The following PRKN variants were observed in gnomAD, a reference collection of about 807,000 sequenced individuals.
PRKN encodes the protein parkin RBR E3 ubiquitin protein ligase.
In PRKN, 56 loss-of-function variants were observed where a neutral mutation model predicts 59.5. The ratio of observed to expected loss-of-function variants is 0.94; its 90% confidence interval spans 0.76 to 1.18. PRKN has a LOEUF of 1.18. PRKN is among the 50% of genes most tolerant of loss of function. The pLI is 0.00. For missense variants in PRKN, 657 were observed against 596.4 expected, an observed-to-expected ratio of 1.10 and a Z score of -1.06; for synonymous variants, 250 against 222.1, an observed-to-expected ratio of 1.13 and a Z score of -1.12.
intron 6 of PRKN, among the ~76,000 whole-genome samples, chr6:161,810,313 G>A (rs1219925926): frequency 6.6e-6 from 1 of 152,174 alleles, no homozygotes; most frequent in Admixed American, 6.5e-5. Context: ...TGGGCTTCTG[G>A]TCTGTGAGGA....
At chr6:161,416,382 T>C (rs1787852833) in intron 9 of PRKN, among the ~76,000 whole-genome samples, 1 of 152,146 alleles carries the variant, frequency 6.6e-6, no homozygotes, top group African/African-American at 2.4e-5. Context: ...AGGAACTTTG[T>C]TTCTTTTGAG....
At chr6:161,489,602 A>T (rs1296678336) in intron 9 of PRKN, among the ~76,000 whole-genome samples, 1 of 152,080 alleles carries the variant, frequency 6.6e-6, no homozygotes, top group Non-Finnish European at 1.5e-5. Flanking sequence ...AAATTTCTAT[A>T]TTTAAAAATG....
intron 6 of PRKN, among the ~76,000 whole-genome samples, chr6:161,913,087 T>C (rs185662679): frequency 6.7e-5 from 10 of 150,222 alleles, no homozygotes; most frequent in African/African-American, 2.5e-4. Context: ...GGCAGGAGAA[T>C]TGCCCAGAGG....
In PRKN at chr6:162,371,384, G is replaced by C. The variant is rs371146020; in HGVS notation, c.171+71926C>G. 2.0e-5 allele frequency among the ~76,000 whole-genome samples: 3 copies of C among 152,140 alleles called. No individual in the cohort carries two copies. In the East Asian group the frequency reaches 5.8e-4, roughly 29 times the overall value. On this transcript the variant is annotated intron_variant, in intron 2 of 11. Transcript: ENST00000366898. ...CACAGCCGCCCTCATGCAGCTTTGCGAGTTCTGACTGCCAACACACACAGG... is the reference window on the plus strand; with the variant it reads ...CACAGCCGCCCTCATGCAGCTTTGCCAGTTCTGACTGCCAACACACACAGG...
chr6:162,647,140 A>C (rs1001985466), intron 1 of PRKN, among the ~76,000 whole-genome samples: 3 of 152,044 alleles, frequency 2.0e-5, no homozygotes, highest in Non-Finnish European at 4.4e-5. Context: ...ATTTCTCATC[A>C]TTCTCTCTCT....
At chr6:161,672,014 T>C (rs1450774113) in intron 7 of PRKN, among the ~76,000 whole-genome samples, 2 of 152,182 alleles carry the variant, frequency 1.3e-5, no homozygotes, top group Admixed American at 1.3e-4. Context: ...CTTGGAGCGG[T>C]CCACACACTT....
intron 4 of PRKN, among the ~76,000 whole-genome samples, chr6:162,134,416 A>G (rs1781490583): frequency 6.6e-6 from 1 of 152,216 alleles, no homozygotes; most frequent in African/African-American, 2.4e-5. Flanking sequence ...TGCTTGTTTT[A>G]TAAGTTACTG....
At chr6:161,682,626 G>A (rs946897491) in intron 7 of PRKN, among the ~76,000 whole-genome samples, 9 of 152,100 alleles carry the variant, frequency 5.9e-5, no homozygotes, top group African/African-American at 9.7e-5. Flanking sequence ...CAGGCACTGC[G>A]TTCAGGAGAA....
intron 1 of PRKN, among the ~76,000 whole-genome samples, chr6:162,538,654 G>T (rs575390445): frequency 4.6e-5 from 7 of 152,146 alleles, no homozygotes; most frequent in Admixed American, 1.3e-4. Flanking sequence ...ACGACCGCGT[G>T]TGGGAAGTCA....
intron 3 of PRKN, among the ~76,000 whole-genome samples, chr6:162,204,278 G>A (rs146024079): frequency 1.6e-4 from 24 of 152,194 alleles, no homozygotes; most frequent in South Asian, 8.3e-4. Flanking sequence ...GGATTCTCTC[G>A]TCAAACCAAT....
At chr6:162,262,039 C>T (rs1338647873) in intron 3 of PRKN, among the ~76,000 whole-genome samples, 1 of 152,088 alleles carries the variant, frequency 6.6e-6, no homozygotes, top group Non-Finnish European at 1.5e-5. Flanking sequence ...TTCTATTACA[C>T]CTTTGACTAT....
chr6:161,667,677 G>A (rs1341887632), intron 7 of PRKN, among the ~76,000 whole-genome samples: 1 of 152,062 alleles, frequency 6.6e-6, no homozygotes, highest in African/African-American at 2.4e-5. Context: ...ACTATGTGTT[G>A]ACCAAATAGA....
chr6:162,207,500 G>C (rs57986161), intron 3 of PRKN, among the ~76,000 whole-genome samples: 3,938 of 152,252 alleles, frequency 0.026, 135 homozygotes, highest in African/African-American at 0.079. Flanking sequence ...TCTCCCTCTA[G>C]GGAGCCACAG....
rs576747788 is a variant in PRKN, at chr6:162,254,356, C to A, written c.412+8169G>T. Reference sequence around the variant, plus strand: ...CCTGTAATCCCAGCTTCTCTGGAGGCTGAGGGAGGAGAATTGCTTTAATCT... The same window carrying A: ...CCTGTAATCCCAGCTTCTCTGGAGGATGAGGGAGGAGAATTGCTTTAATCT... On this transcript the variant is annotated intron_variant, in intron 3 of 11. Transcript: ENST00000366898. 3.3e-5 allele frequency among the ~76,000 whole-genome samples: 5 copies of A among 151,174 alleles called. No homozygotes were observed. The South Asian group carries it at 8.4e-4, about 25-fold the overall frequency.
chr6:161,680,756 TATATATATATATATATA>T lies in PRKN; in HGVS notation c.871+104999_871+105015del, dbSNP rs1172631318. On this transcript the variant is annotated intron_variant, in intron 7 of 11. Transcript: ENST00000366898. ...ATATATATATATATATATATATATATATATATATATATATATATATTTTTTTTTTTTTTTCTTTTCCT... is the reference window on the plus strand; with the variant it reads ...ATATATATATATATATATATATATATTATTTTTTTTTTTTTTTCTTTTCCT... 7.5e-3 allele frequency among the ~76,000 whole-genome samples: 150 copies of T among 19,954 alleles called. 3 individuals are homozygous for T. The highest frequency in any genetic ancestry group is 0.014 in the African/African-American group (99 of 7,150). The allele number at this position is 19,954 out of a possible 152,430, so 13.1% of individuals were successfully genotyped here. A position where few individuals can be genotyped will look rare whatever the true frequency, so the allele number is the denominator to read the frequency against.
At chr6:161,711,246 T>C (rs1032052652) in intron 7 of PRKN, among the ~76,000 whole-genome samples, 2 of 152,024 alleles carry the variant, frequency 1.3e-5, no homozygotes, top group African/African-American at 4.8e-5. Context: ...ACTGTTAGAA[T>C]GGAAGAAAGG....
At chr6:162,554,397 G>A (rs1387746061) in intron 1 of PRKN, among the ~76,000 whole-genome samples, 1 of 152,126 alleles carries the variant, frequency 6.6e-6, no homozygotes, top group African/African-American at 2.4e-5. Flanking sequence ...AGCTACTTGG[G>A]AGGCTGAGGC....
At chr6:162,645,854 T>C (rs531330877) in intron 1 of PRKN, among the ~76,000 whole-genome samples, 25 of 147,318 alleles carry the variant, frequency 1.7e-4, no homozygotes, top group East Asian at 8.0e-4. Context: ...TGAGCCACAG[T>C]GCATAAACTT....
At chr6:162,434,736 G>A (rs182868392) in intron 2 of PRKN, among the ~76,000 whole-genome samples, 403 of 152,230 alleles carry the variant, frequency 2.6e-3, no homozygotes, top group Non-Finnish European at 4.5e-3. Flanking sequence ...TTAAAGCTAT[G>A]ACCCAAGCCC....
Sources: gnomAD v4.1 joint callset for allele counts (sites outside exome capture counted in the v4.1 genomes callset) on GRCh38, gnomAD v4.1.1 for gene constraint, MANE v1.5 for transcripts, NCBI Gene and HGNC (gene_info 2026-07-23, HGNC 2026-07-21) for gene names.